The following SCML4 variants were observed in gnomAD, a reference collection of about 807,000 sequenced individuals.
The protein encoded by SCML4 is Scm polycomb group protein like 4.
SCML4 carries 34 observed loss-of-function variants against 41.1 expected under a neutral mutation model. That is an observed-to-expected ratio of 0.83 (90% CI 0.63 to 1.10). The LOEUF (loss-of-function observed/expected upper bound fraction) is 1.10. Ranked by LOEUF, SCML4 falls within the 50% of genes least tolerant of loss-of-function variation. The pLI is 0.00. For synonymous variants in SCML4, 214 were observed against 220.9 expected (o/e 0.97, Z 0.28); for missense variants, 522 against 534.1 (o/e 0.98, Z 0.22).
At chr6:107,794,047 T>C (rs544485757) in intron 1 of SCML4, among the ~76,000 whole-genome samples, 4 of 152,348 alleles carry the variant, frequency 2.6e-5, no homozygotes, top group African/African-American at 7.2e-5. Flanking sequence ...ATCTCTCTTA[T>C]TATGGTCTTA....
chr6:107,792,356 G>A (rs1220332461), intron 1 of SCML4, among the ~76,000 whole-genome samples: 2 of 152,188 alleles, frequency 1.3e-5, no homozygotes, highest in Non-Finnish European at 2.9e-5. Context: ...GTTTGAGAGG[G>A]ATGGCTAATG....
rs1278192889 is a variant in SCML4 at position 107,746,676 on chromosome 6, C to A, written c.487+13G>T. On this transcript the variant is annotated intron_variant, in intron 4 of 7. Coordinates refer to ENST00000369020, the MANE Select transcript of SCML4 (RefSeq NM_198081.5). ...ATCCATGGCCTCCTCATGCAACCTG[C>A]CCCAGGCCTTACCTGACACCATCTC... 1 of 1,611,760 alleles carries A rather than the reference C, an allele frequency of 6.2e-7. No homozygotes were observed. The highest frequency in any genetic ancestry group is 1.3e-5 in the African/African-American group (1 of 74,898).
At chr6:107,802,344 A>G (rs1646926838) in intron 1 of SCML4, among the ~76,000 whole-genome samples, 1 of 152,166 alleles carries the variant, frequency 6.6e-6, no homozygotes, top group South Asian at 2.1e-4. Flanking sequence ...ATGTTTGAGC[A>G]GAGACTTCAA....
chr6:107,761,369 C>T (rs1779573304), intron 2 of SCML4, among the ~76,000 whole-genome samples: 1 of 151,462 alleles, frequency 6.6e-6, no homozygotes, highest in Non-Finnish European at 1.5e-5. Flanking sequence ...TTCCAAGAAA[C>T]ACCCTAATAA....
chr6:107,743,028 G>C (rs1372938336), intron 5 of SCML4, among the ~76,000 whole-genome samples: 1 of 152,152 alleles, frequency 6.6e-6, no homozygotes, highest in Admixed American at 6.5e-5. Context: ...GCAACTAAAA[G>C]TCCACTGTAG....
intron 1 of SCML4, among the ~76,000 whole-genome samples, chr6:107,815,756 T>A (rs986226563): frequency 6.6e-6 from 1 of 152,238 alleles, no homozygotes. Context: ...TTAATTTTTC[T>A]TAAAAATTAT....
At chr6:107,824,633 C>G (rs577483172), upstream of SCML4, among the ~76,000 whole-genome samples, 3 of 151,990 alleles carry the variant, frequency 2.0e-5, no homozygotes, top group African/African-American at 7.3e-5. Flanking sequence ...CTTGTAATAA[C>G]CTGAATTATG....
chr6:107,755,141 T>C (rs1461214530), intron 2 of SCML4, among the ~76,000 whole-genome samples: 1 of 152,052 alleles, frequency 6.6e-6, no homozygotes, highest in Non-Finnish European at 1.5e-5. Context: ...ATCTGTTCAC[T>C]GAACCCACCT....
chr6:107,799,728 T>C (rs559751349), intron 1 of SCML4, among the ~76,000 whole-genome samples: 1 of 152,260 alleles, frequency 6.6e-6, no homozygotes, highest in African/African-American at 2.4e-5. Context: ...TCAATTTCAC[T>C]TATACTTTGT....
Position 107,746,669 on chromosome 6 carries a change from C to T in SCML4, c.487+20G>A. The T allele has an allele frequency of 6.2e-7, 1 of 1,608,200 alleles. No individual in the cohort carries two copies. On this transcript the variant is annotated intron_variant, in intron 4 of 7. Coordinates refer to ENST00000369020, the MANE Select transcript of SCML4 (RefSeq NM_198081.5). The stretch of plus-strand genomic sequence containing the variant: ...GAGAGACATCCATGGCCTCCTCATG[C>T]AACCTGCCCCAGGCCTTACCTGACA...
Position 107,746,820 on chromosome 6 carries a change from G to T in SCML4, c.356C>A (p.Pro119Gln). ...TGGCCGCTCGGGCCCAAAATGCTCC[G>T]GGAGCTGCTGCACCTTCTTCCTCTC... ...YLERKKVQQL[P>Q]EHFGPERPSA... The change falls in exon 4 of 8, where the codon CCG (proline) becomes CAG (glutamine). Residue 119 changes from proline (P) to glutamine (Q), a missense_variant. Physicochemically the swap from Pro to Gln is moderately conservative, Grantham distance 76. Coordinates refer to ENST00000369020, the MANE Select transcript of SCML4 (RefSeq NM_198081.5). 1 of 1,614,092 alleles carries T rather than the reference G, an allele frequency of 6.2e-7. No homozygotes were observed. The highest frequency in any genetic ancestry group is 8.5e-7 in the Non-Finnish European group (1 of 1,180,008).
At chr6:107,757,188 T>G (rs1053633030) in intron 2 of SCML4, among the ~76,000 whole-genome samples, 2 of 152,196 alleles carry the variant, frequency 1.3e-5, no homozygotes, top group African/African-American at 2.4e-5. Flanking sequence ...GGGGAATTTC[T>G]GGCTCCAGCT....
At chr6:107,844,291 G>A in the SCML4 span, among the ~76,000 whole-genome samples, 2 of 152,286 alleles carry the variant, frequency 1.3e-5, no homozygotes, top group Non-Finnish European at 2.9e-5. Context: ...AAAAAAGGGC[G>A]CTGGTCCTCA....
intron 5 of SCML4, among the ~76,000 whole-genome samples, chr6:107,722,478 G>A (rs146866857): frequency 5.7e-4 from 86 of 152,112 alleles, no homozygotes; most frequent in African/African-American, 2.0e-3. Flanking sequence ...ATAATTATCT[G>A]TATATTAGAC....
chr6:107,724,013 A>G lies in SCML4; in HGVS notation c.683-3020T>C, dbSNP rs1368629208. On this transcript the variant is annotated intron_variant, in intron 5 of 7. Coordinates refer to ENST00000369020, the MANE Select transcript of SCML4 (RefSeq NM_198081.5). ...TGCAAGCCTGATTTAACATTCCAAA[A>G]TCAATTAATGTAATACACCATATGG... is the stretch of plus-strand genomic sequence containing the variant. Among the ~76,000 whole-genome samples the G allele has an allele frequency of 7.2e-5, 11 of 152,220 alleles. No homozygotes were observed. The East Asian group carries it at 1.7e-3, about 24-fold the overall frequency.
At chr6:107,795,419 A>G (rs188065967) in intron 1 of SCML4, among the ~76,000 whole-genome samples, 4 of 152,306 alleles carry the variant, frequency 2.6e-5, no homozygotes, top group Middle Eastern at 3.4e-3. Flanking sequence ...CCTACAGTCA[A>G]TTTCATAGGT....
rs376276342 is a variant in SCML4 at position 107,772,159 on chromosome 6, G to A, written c.156+13C>T. The A allele has an allele frequency of 4.5e-6, 7 of 1,543,326 alleles. No homozygotes were observed. The highest frequency in any genetic ancestry group is 6.1e-6 in the Non-Finnish European group (7 of 1,142,980). On this transcript the variant is annotated intron_variant, in intron 2 of 7. Coordinates refer to ENST00000369020, the MANE Select transcript of SCML4 (RefSeq NM_198081.5). ...CCAATACCACTTTGGAGAAGGAGATGATGGAGCCGTACCTTGTACCCGGGT... is the reference window on the plus strand; with the variant it reads ...CCAATACCACTTTGGAGAAGGAGATAATGGAGCCGTACCTTGTACCCGGGT...
chr6:107,731,669 G>A (rs1414963732), intron 5 of SCML4, among the ~76,000 whole-genome samples: 1 of 152,240 alleles, frequency 6.6e-6, no homozygotes, highest in African/African-American at 2.4e-5. Flanking sequence ...CCAGGCAATG[G>A]TCAGTGTCCT....
rs140647579 is a variant in SCML4 at position 107,719,821 on chromosome 6, T to C, written c.973+882A>G. The C allele has an allele frequency of 3.5e-5, 31 of 876,878 alleles. No homozygotes were observed. The East Asian group carries it at 3.4e-3, about 96-fold the overall frequency. 54.3% of individuals were successfully genotyped at this position (876,878 alleles called of 1,614,324 possible). A position where few individuals can be genotyped will look rare whatever the true frequency, so the allele number is the denominator to read the frequency against. ...TAGGCAGGAAGCAGCAGATCCAGCA[T>C]CTCAGCCCAGGCTGTCTGGCTCTAG... On this transcript the variant is annotated intron_variant, in intron 6 of 7. Coordinates refer to ENST00000369020, the MANE Select transcript of SCML4 (RefSeq NM_198081.5).
Sources: allele counts gnomAD v4.1 joint callset (sites outside exome capture counted in the v4.1 genomes callset), GRCh38; gene constraint gnomAD v4.1.1; transcripts MANE v1.5; gene names NCBI Gene and HGNC (gene_info 2026-07-23, HGNC 2026-07-21).